The following RPGR variants were observed in gnomAD, a reference collection of about 807,000 sequenced individuals.
The protein encoded by RPGR is X-linked retinitis pigmentosa GTPase regulator.
In RPGR, 10 loss-of-function variants were observed where a neutral mutation model predicts 56.3. That is an observed-to-expected ratio of 0.18 (90% CI 0.11 to 0.30). RPGR has a LOEUF of 0.30. Ranked by LOEUF, RPGR falls within the 10% of genes least tolerant of loss-of-function variation. The probability of loss-of-function intolerance (pLI) is 1.00; values close to 1 mark genes in which losing one functional copy is unlikely to be tolerated. For missense variants in RPGR, 538 were observed against 590.9 expected, an observed-to-expected ratio of 0.91 and a Z score of 0.93; for synonymous variants, 197 against 212.9, an observed-to-expected ratio of 0.93 and a Z score of 0.65.
intron 15 of RPGR, among the ~76,000 whole-genome samples, chrX:38,278,942 A>G (rs774632390): frequency 4.4e-5 from 5 of 112,575 alleles, no homozygotes; most frequent in Non-Finnish European, 9.4e-5. Context: ...ACCTTATTTT[A>G]GAAATAAGTA....
At chrX:38,298,875 A>C (rs924657231) in intron 10 of RPGR, 81 bp downstream of exon 10, 3 of 1,060,799 alleles carry the variant, frequency 2.8e-6, no homozygotes, top group African/African-American at 1.8e-5. Context: ...CCTTTGATTT[A>C]AAAAGAAAAC....
chrX:38,273,369 C>G (rs2147161669), intron 18 of RPGR: 1 of 1,133,883 alleles, frequency 8.8e-7, no homozygotes, highest in East Asian at 3.0e-5. Flanking sequence ...TCAAAAAAGA[C>G]AATTCATTTC....
intron 2 of RPGR, 60 bp from the exon 3 acceptor site, chrX:38,323,005 G>A (rs2067978226): frequency 1.2e-6 from 1 of 855,944 alleles, no homozygotes; most frequent in African/African-American, 2.0e-5. Flanking sequence ...GTAAGATGAG[G>A]TCACCACAAA....
chrX:38,322,538 T>C (rs944497748), intron 3 of RPGR, among the ~76,000 whole-genome samples: 5 of 112,099 alleles, frequency 4.5e-5, no homozygotes, highest in African/African-American at 1.3e-4. Flanking sequence ...TCTCTGTATA[T>C]ACAATAACAG....
intron 6 of RPGR, among the ~76,000 whole-genome samples, chrX:38,312,712 G>C (rs1601964245): frequency 8.9e-6 from 1 of 111,814 alleles, no homozygotes; most frequent in African/African-American, 3.3e-5. Flanking sequence ...GGGAGGCCGA[G>C]GCTGGTGGAT....
Position 38,327,497 on chromosome X carries a change from G to A in RPGR, c.-130C>T, listed in dbSNP as rs991351492. 2.1e-5 allele frequency: 13 copies of A among 626,080 alleles called. No homozygotes were observed. The highest frequency in any genetic ancestry group is 3.0e-5 in the Non-Finnish European group (13 of 428,901). The allele number at this position is 626,080 out of a possible 1,213,427, so 51.6% of individuals were successfully genotyped here. On this transcript the variant is annotated 5_prime_UTR_variant, in exon 1 of 19. Coordinates refer to ENST00000642395, the MANE Select transcript of RPGR (RefSeq NM_000328.3). ...CCCAAGTTCCGCATGGCGAAACTCC[G>A]GAGATCAACTACAACCGCGCTCCCG... is the stretch of plus-strand genomic sequence containing the variant.
chrX:38,320,300 G>T (rs1395316846), intron 4 of RPGR, among the ~76,000 whole-genome samples: 2 of 110,471 alleles, frequency 1.8e-5, no homozygotes, highest in Non-Finnish European at 3.8e-5. Flanking sequence ...CAGGGGCAGG[G>T]GGAAGGTGGT....
chrX:38,274,070 CTATT>C (rs2066887247), intron 17 of RPGR: 2 of 112,259 alleles, frequency 1.8e-5, no homozygotes, highest in Admixed American at 1.9e-4. Context: ...ATTAAGGAAA[CTATT>C]CATTCTTCAG....
At position 38,269,760 on chromosome X, in the gene RPGR, T is replaced by C; in HGVS notation, c.2314A>G (p.Ile772Val). 8.3e-7 allele frequency: 1 copy of C among 1,210,199 alleles called. No individual in the cohort carries two copies. The highest frequency in any genetic ancestry group is 1.1e-6 in the Non-Finnish European group (1 of 894,155). The stretch of plus-strand genomic sequence containing the variant: ...ATGATCTGGTCTCCTATGGATTTTA[T>C]CTCTGGGAGCGGCTCATTGTTATTC... Residue 772 changes from isoleucine to valine, a missense_variant, in exon 19 of 19, where the codon ATA (isoleucine) becomes GTA (valine). Physicochemically the swap from Ile to Val is conservative, Grantham distance 29. Coordinates refer to ENST00000642395, the MANE Select transcript of RPGR (RefSeq NM_000328.3).
intron 11 of RPGR, among the ~76,000 whole-genome samples, chrX:38,295,471 A>AT (rs1187930019): frequency 8.9e-6 from 1 of 112,439 alleles, no homozygotes; most frequent in African/African-American, 3.2e-5. Flanking sequence ...AAAATCATGC[A>AT]TATTTTCACA....
At chrX:38,284,519 G>A (rs1446321744) in intron 15 of RPGR, 1 of 746,319 alleles carries the variant, frequency 1.3e-6, no homozygotes, top group Non-Finnish European at 1.6e-6. Flanking sequence ...CAGAAATGAA[G>A]GCTCTGATAA....
intron 11 of RPGR, among the ~76,000 whole-genome samples, chrX:38,293,737 A>G (rs757656972): frequency 8.9e-6 from 1 of 111,804 alleles, no homozygotes; most frequent in Non-Finnish European, 1.9e-5. Flanking sequence ...ACAACTACCT[A>G]TATTTGTACC....
At position 38,327,477 on chromosome X, in the gene RPGR, G is replaced by A; in HGVS notation, c.-110C>T. ...CGACGCGGGCCGCGAAAGCCCCCAA[G>A]TTCCGCATGGCGAAACTCCGGAGAT... On this transcript the variant is annotated 5_prime_UTR_variant, in exon 1 of 19. Coordinates refer to ENST00000642395, the MANE Select transcript of RPGR (RefSeq NM_000328.3). 1.3e-6 allele frequency: 1 copy of A among 781,110 alleles called. No individual in the cohort carries two copies. Among genetic ancestry groups the A allele is most frequent in the South Asian group, 3.0e-5 (1 of 33,423 alleles). 64.4% of individuals were successfully genotyped at this position (781,110 alleles called of 1,213,427 possible).
At chrX:38,300,066 C>T (rs1392042619) in intron 9 of RPGR, among the ~76,000 whole-genome samples, 2 of 110,871 alleles carry the variant, frequency 1.8e-5, no homozygotes, top group African/African-American at 6.6e-5. Flanking sequence ...TATTTTGCCT[C>T]AGGATCCCAA....
intron 6 of RPGR, among the ~76,000 whole-genome samples, chrX:38,315,946 C>A (rs1335768552): frequency 1.8e-5 from 2 of 108,945 alleles, no homozygotes; most frequent in East Asian, 5.6e-4. Flanking sequence ...TCCATTTTTT[C>A]TGATCTACAA....
At chrX:38,279,140 C>A in intron 15 of RPGR, 1 of 330,575 alleles carries the variant, frequency 3.0e-6, no homozygotes, top group Non-Finnish European at 5.9e-6. Flanking sequence ...ATCTGGACGA[C>A]TACTTGAAGT....
Position 38,317,298 on chromosome X carries a change from C to T in RPGR, c.619+18G>A, listed in dbSNP as rs368570763. 1 of 1,201,656 alleles carries T rather than the reference C, an allele frequency of 8.3e-7. No homozygotes were observed. Among genetic ancestry groups the T allele is most frequent in the East Asian group, 3.0e-5 (1 of 33,757 alleles). The stretch of plus-strand genomic sequence containing the variant: ...ATAGAAGTGGGAGATAACATGATGA[C>T]TTCAAAATGTGTCTTACTTGTTACA... On this transcript the variant is annotated intron_variant, in intron 6 of 18. Transcript: ENST00000642395.
In RPGR at chrX:38,287,991, G is replaced by A. The variant is rs769507521; in HGVS notation, c.1623C>T (p.Asn541=). ...TTTCTTCATATTCATCACTATCATC[G>A]TTTTCAGTAAGAGCTGTATCCTGCG... Residue 541 remains asparagine (N), a synonymous_variant, in exon 14 of 19, where the codon AAC becomes AAT. Transcript: ENST00000642395. 11 of 1,208,348 alleles carry A rather than the reference G, an allele frequency of 9.1e-6. No homozygotes were observed. Among genetic ancestry groups the A allele is most frequent in the Admixed American group, 4.4e-5 (2 of 45,644 alleles).
intron 11 of RPGR, among the ~76,000 whole-genome samples, chrX:38,292,041 T>C (rs779031344): frequency 8.1e-5 from 9 of 110,790 alleles, no homozygotes; most frequent in African/African-American, 2.6e-4. Flanking sequence ...TCTAATCACT[T>C]GCTCTGTAGG....
Sources: allele counts gnomAD v4.1 joint callset (sites outside exome capture counted in the v4.1 genomes callset), GRCh38; gene constraint gnomAD v4.1.1; transcripts MANE v1.5; gene names NCBI Gene and HGNC (gene_info 2026-07-23, HGNC 2026-07-21).